The following SIPA1L3 variants were observed in gnomAD, a reference collection of about 807,000 sequenced individuals.
SIPA1L3 encodes the protein signal-induced proliferation-associated 1-like protein 3.
A neutral mutation model predicts 150.1 loss-of-function variants in SIPA1L3; 59 were observed. The observed-to-expected ratio is 0.39, with a 90% CI of 0.32 to 0.49. The LOEUF (loss-of-function observed/expected upper bound fraction) is 0.49, where lower values mean the gene tolerates loss of function less well. SIPA1L3 is among the 20% of genes least tolerant of loss of function. SIPA1L3 has a pLI of 0.86. For missense variants in SIPA1L3, 2,211 were observed against 2,489.5 expected (o/e 0.89, Z 2.38); for synonymous variants, 1,070 against 1,077.6 (o/e 0.99, Z 0.14).
chr19:38,103,986 G>A (rs147751332), intron 6 of SIPA1L3, among the ~76,000 whole-genome samples: 108 of 152,088 alleles, frequency 7.1e-4, no homozygotes, highest in African/African-American at 2.4e-3. Flanking sequence ...AGAAGTAGCT[G>A]GGTGGGTGGA....
Position 38,098,031 on chromosome 19 carries a change from C to T in SIPA1L3, c.1666-1931C>T, listed in dbSNP as rs527611029. Among the ~76,000 whole-genome samples, 23 of 152,346 alleles carry T rather than the reference C, an allele frequency of 1.5e-4. No homozygotes were observed. The South Asian group carries it at 3.5e-3, about 23-fold the overall frequency. On this transcript the variant is annotated intron_variant, in intron 4 of 21. Coordinates refer to ENST00000222345, the MANE Select transcript of SIPA1L3 (RefSeq NM_015073.3). Reference sequence around the variant, plus strand: ...AACCTCTTGGAACTTCAATTTGCTTCTCTGTAAATCAGAGATAAAACCTCC... The same window carrying T: ...AACCTCTTGGAACTTCAATTTGCTTTTCTGTAAATCAGAGATAAAACCTCC...
chr19:38,197,932 C>T, intron 18 of SIPA1L3, among the ~76,000 whole-genome samples: 1 of 149,174 alleles, frequency 6.7e-6, no homozygotes, highest in Non-Finnish European at 1.5e-5. Context: ...TTCCAGGGCA[C>T]TCAGGGTGAG....
At chr19:37,920,584 A>G (rs1464992182) in intron 1 of SIPA1L3, among the ~76,000 whole-genome samples, 1 of 152,220 alleles carries the variant, frequency 6.6e-6, no homozygotes, top group African/African-American at 2.4e-5. Flanking sequence ...GAAATGTATC[A>G]TCATGAGAAG....
chr19:38,051,000 A>G (rs2145759895), intron 2 of SIPA1L3, among the ~76,000 whole-genome samples: 1 of 152,324 alleles, frequency 6.6e-6, no homozygotes, highest in Non-Finnish European at 1.5e-5. Flanking sequence ...CGGAGGTTGC[A>G]GTGAGCCAAG....
In SIPA1L3 at chr19:38,187,667, A is replaced by G. The variant is rs548868505; in HGVS notation, c.4431-4478A>G. Among the ~76,000 whole-genome samples the G allele has an allele frequency of 7.6e-4, 112 of 148,100 alleles. 2 individuals are homozygous for G. The highest frequency in any genetic ancestry group is 2.6e-3 in the African/African-American group (106 of 40,052). On this transcript the variant is annotated intron_variant, in intron 16 of 21. Coordinates refer to ENST00000222345, the MANE Select transcript of SIPA1L3 (RefSeq NM_015073.3). ...CAGGGGGCGGAGCCTGCAGTGAGCC[A>G]AGATTGCGCCACTGCACTCCAGCCT...
chr19:38,170,481 C>T (rs909202632), intron 15 of SIPA1L3, among the ~76,000 whole-genome samples: 1 of 152,192 alleles, frequency 6.6e-6, no homozygotes, highest in African/African-American at 2.4e-5. Context: ...GGAAGGCAGG[C>T]ACCTTTGAAC....
At chr19:37,974,673 C>T (rs369661086) in intron 1 of SIPA1L3, among the ~76,000 whole-genome samples, 4 of 152,170 alleles carry the variant, frequency 2.6e-5, no homozygotes, top group East Asian at 1.9e-4. Flanking sequence ...GCTTTCATTT[C>T]GTGAATCTTT....
intron 12 of SIPA1L3, among the ~76,000 whole-genome samples, chr19:38,147,085 G>A (rs565425459): frequency 2.8e-4 from 43 of 151,528 alleles, no homozygotes; most frequent in South Asian, 6.3e-4. Context: ...ATTTTGAGAC[G>A]GAGTCTTGCT....
chr19:38,106,297 G>T (rs557546761), intron 6 of SIPA1L3: 4 of 383,426 alleles, frequency 1.0e-5, no homozygotes, highest in East Asian at 1.3e-4. Flanking sequence ...AGTAGAGACG[G>T]GGTTTCACCA....
chr19:38,119,934 A>G lies in SIPA1L3; in HGVS notation c.2868+52A>G, dbSNP rs369437425. ...CGGCGATTTGTATGGTTTCGGCCTC[A>G]GGAACCACTGAAATACTTCCCTAGC... On this transcript the variant is annotated intron_variant, in intron 9 of 21. Coordinates refer to ENST00000222345, the MANE Select transcript of SIPA1L3 (RefSeq NM_015073.3). The G allele has an allele frequency of 1.3e-4, 178 of 1,328,166 alleles. No homozygotes were observed. In the African/African-American group the frequency reaches 2.5e-3, roughly 18 times the overall value. 82.3% of individuals were successfully genotyped at this position (1,328,166 alleles called of 1,614,324 possible).
At position 37,962,463 on chromosome 19, in the gene SIPA1L3, C is replaced by CTTTTTTT. The variant is rs71177491; in HGVS notation, c.-379+55122_-379+55128dup. ...TTGGCCATGAGCCACTGCAGCCGGC[C>CTTTTTTT]TTTTTTTTTTTTTTTTTTTTTTTGA... On this transcript the variant is annotated intron_variant, in intron 1 of 21. Coordinates refer to ENST00000222345, the MANE Select transcript of SIPA1L3 (RefSeq NM_015073.3). Among the ~76,000 whole-genome samples the CTTTTTTT allele has an allele frequency of 6.0e-4, 44 of 73,094 alleles. 5 individuals carry two copies. The highest frequency in any genetic ancestry group is 1.9e-3 in the African/African-American group (27 of 14,036). 48.0% of individuals were successfully genotyped at this position (73,094 alleles called of 152,430 possible). A position where few individuals can be genotyped will look rare whatever the true frequency, so the allele number is the denominator to read the frequency against.
intron 3 of SIPA1L3, among the ~76,000 whole-genome samples, chr19:38,085,479 CAAAAAAAAAA>C (rs1169340957): frequency 9.1e-5 from 6 of 66,128 alleles, no homozygotes; most frequent in Non-Finnish European, 1.4e-4. Flanking sequence ...GACTCCGTCT[CAAAAAAAAAA>C]AAAAAAAAAA....
chr19:38,095,728 C>G (rs1364175120), intron 4 of SIPA1L3, among the ~76,000 whole-genome samples: 2 of 152,116 alleles, frequency 1.3e-5, no homozygotes, highest in Non-Finnish European at 2.9e-5. Flanking sequence ...GAGGTGGCCA[C>G]TCATGACCTG....
chr19:38,111,943 A>G (rs1261681305), intron 8 of SIPA1L3, among the ~76,000 whole-genome samples: 2 of 151,654 alleles, frequency 1.3e-5, no homozygotes, highest in Non-Finnish European at 2.9e-5. Flanking sequence ...ATGCACATGC[A>G]CACACATACA....
At chr19:38,030,242 A>G (rs1166166704) in intron 2 of SIPA1L3, among the ~76,000 whole-genome samples, 1 of 151,956 alleles carries the variant, frequency 6.6e-6, no homozygotes. Context: ...CCGCCCCACT[A>G]TGTGAATGTA....
intron 4 of SIPA1L3, among the ~76,000 whole-genome samples, chr19:38,092,852 A>AT (rs56232582): frequency 0.14 from 15,921 of 115,830 alleles, 1,163 homozygotes; most frequent in African/African-American, 0.17. Context: ...AGGTGCTTAG[A>AT]TTTTTTTTTT....
intron 20 of SIPA1L3, 44 bp from the exon 21 acceptor site, chr19:38,204,083 G>A: frequency 6.6e-7 from 1 of 1,504,624 alleles, no homozygotes; most frequent in Non-Finnish European, 9.0e-7. Flanking sequence ...GCCTTCCCCA[G>A]GGGCTTTAGG....
rs1444309135 is a variant in SIPA1L3 at position 38,204,160 on chromosome 19, G to A, written c.5154G>A (p.Val1718=). The A allele has an allele frequency of 3.2e-6, 5 of 1,560,474 alleles. No homozygotes were observed. The highest frequency in any genetic ancestry group is 4.3e-6 in the Non-Finnish European group (5 of 1,151,374). ...CACCCCTGGATCTGACAGGCAAGGT[G>A]TACCAGCTGGAGGTGATGCTGAAAC... ...EEPPLDLTGK[V]YQLEVMLKQL... is the part of the protein sequence containing the mutation. The change falls in exon 21 of 22, where the codon GTG becomes GTA. Residue 1718 remains valine, a synonymous_variant. Coordinates refer to ENST00000222345, the MANE Select transcript of SIPA1L3 (RefSeq NM_015073.3).
chr19:38,058,616 G>A (rs1969380125), intron 2 of SIPA1L3, among the ~76,000 whole-genome samples: 2 of 152,186 alleles, frequency 1.3e-5, no homozygotes, highest in Non-Finnish European at 2.9e-5. Context: ...TTCTGGGAGT[G>A]GAAATCTCTT....
Sources: allele counts gnomAD v4.1 joint callset (sites outside exome capture counted in the v4.1 genomes callset), GRCh38; gene constraint gnomAD v4.1.1; transcripts MANE v1.5; gene names NCBI Gene and HGNC (gene_info 2026-07-23, HGNC 2026-07-21).